SMO: variants seen among roughly 807,000 people sequenced by gnomAD.
The protein encoded by SMO is protein smoothened.
In SMO, 40 loss-of-function variants were observed where a neutral mutation model predicts 81.6. The ratio of observed to expected loss-of-function variants is 0.49; its 90% confidence interval spans 0.38 to 0.64. The LOEUF is 0.64. Ranked by LOEUF, SMO falls within the 30% of genes least tolerant of loss-of-function variation. SMO has a pLI of 0.00. For missense variants in SMO, 916 were observed against 1,061.1 expected, an observed-to-expected ratio of 0.86 and a Z score of 1.90; for synonymous variants, 434 against 432.1, an observed-to-expected ratio of 1.00 and a Z score of -0.05.
Position 129,188,959 on chromosome 7 carries a change from G to C in SMO, c.-193G>C. ...CTCCGCAGCCCAACATGGGCCCCGG[G>C]TTCCAAAGTTTGCGAAGTTGGGCGC... On this transcript the variant is annotated 5_prime_UTR_variant, in exon 1 of 12. Coordinates refer to ENST00000249373, the MANE Select transcript of SMO (RefSeq NM_005631.5). This position sits in a 1 kb window ranked among gnomAD's most constrained non-coding sequence, Gnocchi z 4.9. 2.6e-6 allele frequency: 1 copy of C among 378,438 alleles called. No homozygotes were observed. The highest frequency in any genetic ancestry group is 3.9e-5 in the East Asian group (1 of 25,482). 23.4% of individuals were successfully genotyped at this position (378,438 alleles called of 1,614,324 possible). A position where few individuals can be genotyped will look rare whatever the true frequency, so the allele number is the denominator to read the frequency against.
chr7:129,197,312 T>A (rs185071849), intron 1 of SMO, among the ~76,000 whole-genome samples: 18 of 152,340 alleles, frequency 1.2e-4, no homozygotes, highest in Admixed American at 9.8e-4. Flanking sequence ...CCTTCACCAT[T>A]AAATTTGATG....
Position 129,210,962 on chromosome 7 carries a change from C to T in SMO, c.1653-3C>T, listed in dbSNP as rs376902978. 10 of 1,602,864 alleles carry T rather than the reference C, an allele frequency of 6.2e-6. No individual in the cohort carries two copies. The highest frequency in any genetic ancestry group is 8.5e-6 in the Non-Finnish European group (10 of 1,174,476). ...GCTCCTTCCCTATCCCTTCTGCTCT[C>T]AGGTTGACTGGGCAGAGTGACGATG... On this transcript the variant is annotated splice_polypyrimidine_tract_variant and splice_region_variant and intron_variant, in intron 9 of 11. Transcript: ENST00000249373. The surrounding 1 kb of genome is among the most constrained non-coding windows in gnomAD (Gnocchi z 4.7).
In SMO at chr7:129,210,039, C is replaced by A. The variant is rs554836118; in HGVS notation, c.1467-324C>A. ...TTCAATTTAATTGTCTAGGGTGGGT[C>A]CCAGGCATCAGTAGCTATTAAAAGC... On this transcript the variant is annotated intron_variant, in intron 8 of 11. Transcript: ENST00000249373. This position sits in a 1 kb window ranked among gnomAD's most constrained non-coding sequence, Gnocchi z 4.7. 9.0e-5 allele frequency: 21 copies of A among 233,198 alleles called. 1 individual carries two copies. The highest frequency in any genetic ancestry group is 6.5e-4 in the South Asian group (8 of 12,276). The allele number at this position is 233,198 out of a possible 1,614,324, so 14.4% of individuals were successfully genotyped here.
At position 129,205,644 on chromosome 7, in the gene SMO, G is replaced by A. The variant is rs779548739; in HGVS notation, c.782G>A (p.Arg261His). ...GTGGCTGACTGGCGGAACTCGAATCGCTACCCTGCTGTTATTCTCTTCTAC... is the reference window on the plus strand; with the variant it reads ...GTGGCTGACTGGCGGAACTCGAATCACTACCCTGCTGTTATTCTCTTCTAC... ...TFVADWRNSNRYPAVILFYVN... is the reference protein window; with the variant it reads ...TFVADWRNSNHYPAVILFYVN... Residue 261 changes from arginine (R) to histidine (H), a missense_variant, in exon 4 of 12, where the codon CGC becomes CAC. By Grantham distance (29) the Arg-to-His change is conservative. This residue lies in a region of SMO where 436 missense variants were observed against 570.9 expected (regional missense o/e 0.76). Coordinates refer to ENST00000249373, the MANE Select transcript of SMO (RefSeq NM_005631.5). 11 of 1,613,732 alleles carry A rather than the reference G, an allele frequency of 6.8e-6. No individual in the cohort carries two copies. The highest frequency in any genetic ancestry group is 4.0e-5 in the African/African-American group (3 of 74,928).
At chr7:129,195,091 C>G (rs1288683171) in intron 1 of SMO, among the ~76,000 whole-genome samples, 1 of 152,194 alleles carries the variant, frequency 6.6e-6, no homozygotes, top group Non-Finnish European at 1.5e-5. Flanking sequence ...AGTATACCCC[C>G]AGTTGTTTAC....
chr7:129,212,262 C>G lies in SMO; in HGVS notation c.2175C>G (p.Cys725Trp), dbSNP rs1373663022. The part of the protein sequence containing the change: ...AAGAWGAGDS[C>W]RQGAWTLVSN... ...GTGCCTGGGGAGCTGGGGACTCTTG[C>G]CGACAGGGAGCGTGGACCCTGGTCT... is the stretch of plus-strand genomic sequence containing the variant. The change falls in exon 12 of 12, where the codon TGC becomes TGG. Residue 725 changes from cysteine (C) to tryptophan (W), a missense_variant. By Grantham distance (215) the Cys-to-Trp change is radical. Transcript: ENST00000249373. The surrounding 1 kb of genome is among the most constrained non-coding windows in gnomAD (Gnocchi z 5.0). The G allele has an allele frequency of 2.5e-6, 4 of 1,608,438 alleles. No individual in the cohort carries two copies.
rs150924833 is a variant in SMO, at chr7:129,212,272, G to T, written c.2185G>T (p.Ala729Ser). ...WGAGDSCRQG[A>S]WTLVSNPFCP... Reference sequence around the variant, plus strand: ...AGCTGGGGACTCTTGCCGACAGGGAGCGTGGACCCTGGTCTCCAACCCATT... The same window carrying T: ...AGCTGGGGACTCTTGCCGACAGGGATCGTGGACCCTGGTCTCCAACCCATT... The change falls in exon 12 of 12, where the codon GCG (alanine) becomes TCG (serine). Residue 729 changes from alanine to serine, a missense_variant. Coordinates refer to ENST00000249373, the MANE Select transcript of SMO (RefSeq NM_005631.5). The surrounding 1 kb of genome is among the most constrained non-coding windows in gnomAD (Gnocchi z 5.0). 1 of 1,612,178 alleles carries T rather than the reference G, an allele frequency of 6.2e-7. No homozygotes were observed. Among genetic ancestry groups the T allele is most frequent in the South Asian group, 1.1e-5 (1 of 90,804 alleles).
chr7:129,205,485 C>A, intron 3 of SMO, 73 bp downstream of exon 3: 1 of 1,539,392 alleles, frequency 6.5e-7, no homozygotes, highest in Non-Finnish European at 9.0e-7. Flanking sequence ...GGAAGGGGGG[C>A]AAAGAGGTCT....
At chr7:129,203,741 T>A in intron 2 of SMO, 152 bp downstream of exon 2, 2 of 606,760 alleles carry the variant, frequency 3.3e-6, no homozygotes, top group Non-Finnish European at 5.8e-6. Flanking sequence ...AAACTCAAAC[T>A]GCAGCTCACT....
rs1793888405 is a variant in SMO, at chr7:129,212,303, C to T, written c.2216C>T (p.Pro739Leu). ...ACCCTGGTCTCCAACCCATTCTGCCCAGAGCCCAGTCCCCCTCAGGATCCA... is the reference window on the plus strand; with the variant it reads ...ACCCTGGTCTCCAACCCATTCTGCCTAGAGCCCAGTCCCCCTCAGGATCCA... ...AWTLVSNPFCPEPSPPQDPFL... is the reference protein window; with the variant it reads ...AWTLVSNPFCLEPSPPQDPFL... Residue 739 changes from proline (P) to leucine (L), a missense_variant, in exon 12 of 12, where the codon CCA (proline) becomes CTA (leucine). Transcript: ENST00000249373. This position sits in a 1 kb window ranked among gnomAD's most constrained non-coding sequence, Gnocchi z 5.0. 1.2e-6 allele frequency: 2 copies of T among 1,614,096 alleles called. No homozygotes were observed. Among genetic ancestry groups the T allele is most frequent in the Non-Finnish European group, 8.5e-7 (1 of 1,179,988 alleles).
chr7:129,203,471 A>C lies in SMO; in HGVS notation c.419A>C (p.Glu140Ala). Residue 140 changes from glutamate (E) to alanine (A), a missense_variant, in exon 2 of 12, where the codon GAG becomes GCG. Glu to Ala is a moderately radical substitution (Grantham distance 107, BLOSUM62 -1). This residue lies in a region of SMO where 436 missense variants were observed against 570.9 expected (regional missense o/e 0.76). Transcript: ENST00000249373. ...CCCAAGTGTGAGAATGACCGGGTGG[A>C]GCTGCCCAGCCGTACCCTCTGCCAG... Reference protein sequence around the residue: ...YMPKCENDRVELPSRTLCQAT... With the variant: ...YMPKCENDRVALPSRTLCQAT... The C allele has an allele frequency of 1.9e-6, 3 of 1,590,030 alleles. No individual in the cohort carries two copies. The highest frequency in any genetic ancestry group is 2.6e-6 in the Non-Finnish European group (3 of 1,168,518).
chr7:129,202,249 C>T (rs972683171), intron 1 of SMO, among the ~76,000 whole-genome samples: 1 of 152,140 alleles, frequency 6.6e-6, no homozygotes, highest in Non-Finnish European at 1.5e-5. Context: ...GCAACTGAGG[C>T]TAAAGATAAA....
chr7:129,212,371 C>T lies in SMO; in HGVS notation c.2284C>T (p.Arg762Cys), dbSNP rs905977339. 1.4e-5 allele frequency: 23 copies of T among 1,614,068 alleles called. No homozygotes were observed. Among genetic ancestry groups the T allele is most frequent in the Middle Eastern group, 1.7e-4 (1 of 6,060 alleles). The change falls in exon 12 of 12, where the codon CGC (arginine) becomes TGC (cysteine). Residue 762 changes from arginine (R) to cysteine (C), a missense_variant. Arg to Cys is a radical substitution (Grantham distance 180). Around this residue, in one of 4 missense-constraint regions of SMO, gnomAD observed 324 missense variants for 312.9 expected, o/e 1.04. Coordinates refer to ENST00000249373, the MANE Select transcript of SMO (RefSeq NM_005631.5). This position sits in a 1 kb window ranked among gnomAD's most constrained non-coding sequence, Gnocchi z 5.0. ...APAPVAWAHGRRQGLGPIHSR... is the reference protein window; with the variant it reads ...APAPVAWAHGCRQGLGPIHSR... ...GGCCCCCGTGGCATGGGCTCATGGC[C>T]GCCGACAGGGCCTGGGGCCTATTCA... is the stretch of plus-strand genomic sequence containing the variant.
intron 1 of SMO, among the ~76,000 whole-genome samples, chr7:129,197,999 A>G (rs1793612945): frequency 6.6e-6 from 1 of 152,214 alleles, no homozygotes; most frequent in African/African-American, 2.4e-5. Flanking sequence ...TAAAGCTGAT[A>G]TCCCCTCTCT....
rs77153611 is a variant in SMO at position 129,213,067 on chromosome 7, C to T, written c.*616C>T. ...CCATCTTTTGTTCTCCTATATCCTC[C>T]TTCTTCTGTTCCATTTCAGTTCAGT... is the stretch of plus-strand genomic sequence containing the variant. On this transcript the variant is annotated 3_prime_UTR_variant, in exon 12 of 12. Transcript: ENST00000249373. The T allele has an allele frequency of 0.01, 2,454 of 244,374 alleles. 67 individuals carry two copies. Among genetic ancestry groups the T allele is most frequent in the Admixed American group, 0.056 (1,016 of 18,042 alleles). 15.1% of individuals were successfully genotyped at this position (244,374 alleles called of 1,614,324 possible). A position where few individuals can be genotyped will look rare whatever the true frequency, so the allele number is the denominator to read the frequency against.
At chr7:129,196,409 G>A (rs1584655763) in intron 1 of SMO, among the ~76,000 whole-genome samples, 4 of 150,818 alleles carry the variant, frequency 2.7e-5, no homozygotes. Flanking sequence ...TGAACTCCTG[G>A]GCTCAAGTGA....
At position 129,206,147 on chromosome 7, in the gene SMO, C is replaced by T. The variant is rs2150649786; in HGVS notation, c.921-3C>T. The T allele has an allele frequency of 6.3e-7, 1 of 1,591,172 alleles. No homozygotes were observed. The highest frequency in any genetic ancestry group is 1.2e-5 in the South Asian group (1 of 86,080). On this transcript the variant is annotated splice_polypyrimidine_tract_variant and splice_region_variant and intron_variant, in intron 4 of 11. Transcript: ENST00000249373. The surrounding 1 kb of genome is among the most constrained non-coding windows in gnomAD (Gnocchi z 4.4). ...TCAAGTGACACCTCACCTCTCTGCA[C>T]AGCTCCAATGAGACTCTGTCCTGCG...
In SMO at chr7:129,206,326, C is replaced by T. The variant is rs2150650290; in HGVS notation, c.1097C>T (p.Ser366Leu). 1 of 1,614,196 alleles carries T rather than the reference C, an allele frequency of 6.2e-7. No individual in the cohort carries two copies. The highest frequency in any genetic ancestry group is 1.1e-5 in the South Asian group (1 of 91,078). Residue 366 changes from serine to leucine, a missense_variant, in exon 5 of 12, where the codon TCA (serine) becomes TTA (leucine). This residue lies in a region of SMO where 436 missense variants were observed against 570.9 expected (regional missense o/e 0.76). Coordinates refer to ENST00000249373, the MANE Select transcript of SMO (RefSeq NM_005631.5). The surrounding 1 kb of genome is among the most constrained non-coding windows in gnomAD (Gnocchi z 4.4). ...KTSYFHLLTW[S>L]LPFVLTVAIL... ...TCCTACTTCCACCTGCTCACCTGGT[C>T]ACTCCCCTTTGTCCTCACTGTGGCA...
Position 129,210,398 on chromosome 7 carries a change from A to C in SMO, c.1502A>C (p.Lys501Thr). Residue 501 changes from lysine to threonine, a missense_variant, in exon 9 of 12, where the codon AAG becomes ACG. Lys to Thr is a moderately conservative substitution (Grantham distance 78, BLOSUM62 -1). Coordinates refer to ENST00000249373, the MANE Select transcript of SMO (RefSeq NM_005631.5). This position sits in a 1 kb window ranked among gnomAD's most constrained non-coding sequence, Gnocchi z 4.7. ...QANVTIGLPT[K>T]QPIPDCEIKN... The stretch of plus-strand genomic sequence containing the variant: ...AATGTGACCATCGGGCTGCCCACCA[A>C]GCAGCCCATCCCTGACTGTGAGATC... 6.2e-7 allele frequency: 1 copy of C among 1,613,960 alleles called. No homozygotes were observed. The highest frequency in any genetic ancestry group is 1.1e-5 in the South Asian group (1 of 91,074).
Sources: allele counts gnomAD v4.1 joint callset (sites outside exome capture counted in the v4.1 genomes callset), GRCh38; gene constraint gnomAD v4.1.1; regional missense constraint gnomAD v4.1.1; non-coding constraint Gnocchi (gnomAD v3.1); transcripts MANE v1.5; gene names NCBI Gene and HGNC (gene_info 2026-07-23, HGNC 2026-07-21).